FAM167A: variants seen among roughly 807,000 people sequenced by gnomAD.
FAM167A encodes the protein protein FAM167A.
Under a neutral mutation model 14.9 loss-of-function variants are expected in FAM167A, and 23 were observed. That is an observed-to-expected ratio of 1.55 (90% confidence interval 1.11 to 2.19). FAM167A has a LOEUF of 2.19. Ranked by LOEUF, FAM167A falls within the 30% of genes most tolerant of loss-of-function variation. The probability of loss-of-function intolerance (pLI) is 0.00; values close to 1 mark genes in which losing one functional copy is unlikely to be tolerated. For missense variants in FAM167A, 401 were observed against 281.5 expected (o/e 1.42, Z -3.04); for synonymous variants, 174 against 117.7 (o/e 1.48, Z -3.10).
At chr8:11,455,980 G>GT (rs1807257505) in intron 1 of FAM167A, among the ~76,000 whole-genome samples, 1 of 132,140 alleles carries the variant, frequency 7.6e-6, no homozygotes, top group Non-Finnish European at 1.6e-5. Context: ...AGTGTGGGGG[G>GT]TGGTTGCCTT....
In FAM167A at chr8:11,424,028, G is replaced by C. The variant is rs140875842; in HGVS notation, c.*345C>G. 6.3e-4 allele frequency: 156 copies of C among 249,476 alleles called. No individual in the cohort carries two copies. Among genetic ancestry groups the C allele is most frequent in the Middle Eastern group, 5.4e-3 (4 of 744 alleles). 15.5% of individuals were successfully genotyped at this position (249,476 alleles called of 1,614,324 possible). A position where few individuals can be genotyped will look rare whatever the true frequency, so the allele number is the denominator to read the frequency against. ...CAGCTTTGTTGGGGGGCCTCCCTTT[G>C]GGAATCCCAGTTCATAGCACCAGTG... On this transcript the variant is annotated 3_prime_UTR_variant, in exon 3 of 3. Coordinates refer to ENST00000284486, the MANE Select transcript of FAM167A (RefSeq NM_053279.3).
intron 1 of FAM167A, among the ~76,000 whole-genome samples, chr8:11,453,820 C>G (rs1013904415): frequency 2.6e-5 from 4 of 152,098 alleles, no homozygotes; most frequent in African/African-American, 9.7e-5. Flanking sequence ...ACGTCTACAC[C>G]GCAGCACATA....
At chr8:11,436,468 C>T (rs1223864964) in intron 2 of FAM167A, among the ~76,000 whole-genome samples, 1 of 152,196 alleles carries the variant, frequency 6.6e-6, no homozygotes, top group Non-Finnish European at 1.5e-5. Context: ...GGCTCCCTCA[C>T]CTCTGTGAGC....
At chr8:11,459,623 C>T (rs940983873) in intron 1 of FAM167A, among the ~76,000 whole-genome samples, 9 of 152,200 alleles carry the variant, frequency 5.9e-5, no homozygotes, top group Non-Finnish European at 1.2e-4. Context: ...GTGAGGGGAC[C>T]TCAGCCTAAG....
chr8:11,431,126 A>G (rs1011436318), intron 2 of FAM167A, among the ~76,000 whole-genome samples: 2 of 152,232 alleles, frequency 1.3e-5, no homozygotes, highest in Non-Finnish European at 2.9e-5. Context: ...ACAATCACCA[A>G]TAGGCGGAAC....
intron 2 of FAM167A, chr8:11,443,818 A>G: frequency 5.1e-6 from 3 of 589,344 alleles, no homozygotes; most frequent in South Asian, 2.1e-5. Context: ...AGTGTCTGCA[A>G]TTAGGGGCTG....
At chr8:11,459,456 C>A (rs1807451405) in intron 1 of FAM167A, among the ~76,000 whole-genome samples, 1 of 152,200 alleles carries the variant, frequency 6.6e-6, no homozygotes, top group Non-Finnish European at 1.5e-5. Context: ...CAAGGCAATG[C>A]TTTGTTTTTC....
intron 1 of FAM167A, among the ~76,000 whole-genome samples, chr8:11,464,696 C>T (rs942122827): frequency 6.6e-6 from 1 of 152,194 alleles, no homozygotes; most frequent in Non-Finnish European, 1.5e-5. Context: ...GCTCAAGTCC[C>T]TTGGGAAAGC....
upstream of FAM167A, among the ~76,000 whole-genome samples, chr8:11,467,849 T>A (rs1249525308): frequency 1.3e-5 from 2 of 152,246 alleles, no homozygotes; most frequent in Non-Finnish European, 2.9e-5. Flanking sequence ...CTGAGGGACG[T>A]CGTCTAAGGA....
chr8:11,461,718 A>T (rs1807547370), intron 1 of FAM167A, among the ~76,000 whole-genome samples: 1 of 152,238 alleles, frequency 6.6e-6, no homozygotes. Context: ...TTGAATCCAC[A>T]GGATAATTGG....
chr8:11,438,871 C>T (rs758127700), intron 2 of FAM167A, among the ~76,000 whole-genome samples: 26 of 152,024 alleles, frequency 1.7e-4, no homozygotes, highest in Admixed American at 3.9e-4. Context: ...GCCAGTGCCT[C>T]GCTGATGGCT....
chr8:11,473,220 T>A (rs1415144335), intron 1 of FAM167A, among the ~76,000 whole-genome samples: 1 of 152,152 alleles, frequency 6.6e-6, no homozygotes, highest in Admixed American at 6.5e-5. Context: ...TTCATCTCCA[T>A]CGGCCAATCC....
In FAM167A at chr8:11,421,588, T is replaced by A. The variant is rs1386248866; in HGVS notation, c.*2785A>T. 1 of 397,948 alleles carries A rather than the reference T, an allele frequency of 2.5e-6. No homozygotes were observed. Among genetic ancestry groups the A allele is most frequent in the African/African-American group, 2.1e-5 (1 of 48,636 alleles). The allele number at this position is 397,948 out of a possible 1,614,324, so 24.7% of individuals were successfully genotyped here. On this transcript the variant is annotated 3_prime_UTR_variant, in exon 3 of 3. Coordinates refer to ENST00000284486, the MANE Select transcript of FAM167A (RefSeq NM_053279.3). Reference sequence around the variant, plus strand: ...AAAAGTATAAATCGTCCATTGATTATGTAATAGCACTTGGTATTGCTACAG... The same window carrying A: ...AAAAGTATAAATCGTCCATTGATTAAGTAATAGCACTTGGTATTGCTACAG...
chr8:11,432,933 A>G (rs1260103473), intron 2 of FAM167A, among the ~76,000 whole-genome samples: 3 of 152,216 alleles, frequency 2.0e-5, no homozygotes, highest in Non-Finnish European at 2.9e-5. Flanking sequence ...TGGAAGCTGG[A>G]AACCATCATT....
chr8:11,428,594 A>G (rs114897999), intron 2 of FAM167A, among the ~76,000 whole-genome samples: 3,965 of 152,326 alleles, frequency 0.026, 171 homozygotes, highest in African/African-American at 0.091. Flanking sequence ...TTCTGAGGGC[A>G]TCTCACAGCG....
At position 11,443,742 on chromosome 8, in the gene FAM167A, T is replaced by TG. The variant is rs937572262; in HGVS notation, c.381+288dup. The TG allele has an allele frequency of 5.3e-5, 19 of 361,524 alleles. No individual in the cohort carries two copies. In the East Asian group the frequency reaches 1.0e-3, roughly 19 times the overall value. 22.4% of individuals were successfully genotyped at this position (361,524 alleles called of 1,614,324 possible). ...CAGACTCCAGTACTGGGAGCGGTGT[T>TG]GGGGGGAGGGGGGTACACCTTAACA... On this transcript the variant is annotated intron_variant, in intron 2 of 2. Transcript: ENST00000284486.
chr8:11,465,181 A>G (rs1185412289), intron 1 of FAM167A, among the ~76,000 whole-genome samples: 1 of 152,200 alleles, frequency 6.6e-6, no homozygotes, highest in Non-Finnish European at 1.5e-5. Context: ...TTCCTCAAGC[A>G]GGCAGGGGAC....
chr8:11,443,952 G>C (rs1484227465), intron 2 of FAM167A, 79 bp downstream of exon 2: 9 of 1,505,586 alleles, frequency 6.0e-6, no homozygotes, highest in Admixed American at 2.0e-5. Context: ...TGGGGAGACA[G>C]ACAGAGAGAG....
chr8:11,469,192 T>TA (rs544036677), upstream of FAM167A, among the ~76,000 whole-genome samples: 1 of 152,126 alleles, frequency 6.6e-6, no homozygotes, highest in Non-Finnish European at 1.5e-5. Flanking sequence ...TATGTATGCA[T>TA]GGAAAAAAGA....
Sources: allele counts gnomAD v4.1 joint callset (sites outside exome capture counted in the v4.1 genomes callset), GRCh38; gene constraint gnomAD v4.1.1; transcripts MANE v1.5; gene names NCBI Gene and HGNC (gene_info 2026-07-23, HGNC 2026-07-21).